ANKS1A: variants seen among roughly 807,000 people sequenced by gnomAD.
ANKS1A encodes ankyrin repeat and sterile alpha motif domain containing 1A, also known as ankyrin repeat and SAM domain-containing protein 1A.
A neutral mutation model predicts 120.3 loss-of-function variants in ANKS1A; 55 were observed. The observed-to-expected ratio is 0.46, with a 90% CI of 0.37 to 0.57. The LOEUF is 0.57. ANKS1A is among the 20% of genes least tolerant of loss of function. The pLI, the probability that ANKS1A is intolerant of heterozygous loss-of-function variation, is 0.00. For synonymous variants in ANKS1A, 590 were observed against 604.7 expected, an observed-to-expected ratio of 0.98 and a Z score of 0.36; for missense variants, 1,123 against 1,480.3, an observed-to-expected ratio of 0.76 and a Z score of 3.96.
At position 35,090,129 on chromosome 6, in the gene ANKS1A, C is replaced by T. The variant is rs1167388443; in HGVS notation, c.*1520C>T. The T allele has an allele frequency of 1.1e-5, 14 of 1,289,414 alleles. No homozygotes were observed. The highest frequency in any genetic ancestry group is 1.4e-5 in the Non-Finnish European group (14 of 988,858). The allele number at this position is 1,289,414 out of a possible 1,614,324, so 79.9% of individuals were successfully genotyped here. A position where few individuals can be genotyped will look rare whatever the true frequency, so the allele number is the denominator to read the frequency against. On this transcript the variant is annotated 3_prime_UTR_variant, in exon 24 of 24. Coordinates refer to ENST00000360359, the MANE Select transcript of ANKS1A (RefSeq NM_015245.3). ...ACCCAGCAGGTTGGGGCCTGGGACT[C>T]AGCTCTCTCTGCGGTAGAGGCAGGC...
chr6:34,989,317 G>A lies in ANKS1A; in HGVS notation c.1302+1G>A. 6.2e-7 allele frequency: 1 copy of A among 1,613,428 alleles called. No individual in the cohort carries two copies. On this transcript the variant is annotated splice_donor_variant, in intron 9 of 23. Transcript: ENST00000360359. LOFTEE classifies it high-confidence loss of function. Reference sequence around the variant, plus strand: ...GTATTTTCCCTTGACAGCTTCTGAGGTAGAGGGTTGTGGGTTTATTCCCCA... The same window carrying A: ...GTATTTTCCCTTGACAGCTTCTGAGATAGAGGGTTGTGGGTTTATTCCCCA...
intron 1 of ANKS1A, among the ~76,000 whole-genome samples, chr6:34,904,097 G>A (rs1012837829): frequency 1.3e-5 from 2 of 152,108 alleles, no homozygotes; most frequent in African/African-American, 2.4e-5. Context: ...AGGACCCCTC[G>A]AAGATACCAG....
At chr6:34,900,079 G>T (rs939532071) in intron 1 of ANKS1A, among the ~76,000 whole-genome samples, 17 of 152,194 alleles carry the variant, frequency 1.1e-4, no homozygotes, top group African/African-American at 3.9e-4. Context: ...TTACATACAT[G>T]TATTTGCTCA....
At chr6:34,939,248 AC>A (rs1769411655) in intron 1 of ANKS1A, among the ~76,000 whole-genome samples, 1 of 152,234 alleles carries the variant, frequency 6.6e-6, no homozygotes, top group Non-Finnish European at 1.5e-5. Flanking sequence ...CCTTTACCTC[AC>A]AGGTTGGAGC....
At position 35,086,882 on chromosome 6, in the gene ANKS1A, G is replaced by A. The variant is rs375044922; in HGVS notation, c.3304-70G>A. On this transcript the variant is annotated intron_variant, in intron 22 of 23. Transcript: ENST00000360359. The surrounding 1 kb of genome is among the most constrained non-coding windows in gnomAD (Gnocchi z 5.1). Reference sequence around the variant, plus strand: ...GGGGCCACAGCCTGGCCTGGGGGTGGGAGGGGCCTGCTGCCTCCAGCCCTG... The same window carrying A: ...GGGGCCACAGCCTGGCCTGGGGGTGAGAGGGGCCTGCTGCCTCCAGCCCTG... 6.1e-6 allele frequency: 9 copies of A among 1,466,748 alleles called. No individual in the cohort carries two copies. The highest frequency in any genetic ancestry group is 4.5e-5 in the East Asian group (2 of 44,186). The allele number at this position is 1,466,748 out of a possible 1,614,324, so 90.9% of individuals were successfully genotyped here.
At chr6:35,006,606 T>G (rs1249282216) in intron 10 of ANKS1A, among the ~76,000 whole-genome samples, 1 of 151,452 alleles carries the variant, frequency 6.6e-6, no homozygotes, top group African/African-American at 2.4e-5. Context: ...TACAAAAAAT[T>G]TAGCTGGGCA....
intron 9 of ANKS1A, among the ~76,000 whole-genome samples, chr6:34,991,249 C>A (rs1464603060): frequency 6.6e-6 from 1 of 152,118 alleles, no homozygotes; most frequent in Non-Finnish European, 1.5e-5. Flanking sequence ...ATGACCTGAT[C>A]ATGAAACTGG....
rs4276486 is a variant in ANKS1A at position 35,086,895 on chromosome 6, G to T, written c.3304-57G>T. ...GGCCTGGGGGTGGGAGGGGCCTGCT[G>T]CCTCCAGCCCTGGCACAGAGCTCCC... is the stretch of plus-strand genomic sequence containing the variant. On this transcript the variant is annotated intron_variant, in intron 22 of 23. Transcript: ENST00000360359. The surrounding 1 kb of genome is among the most constrained non-coding windows in gnomAD (Gnocchi z 5.1). 4.1e-5 allele frequency: 63 copies of T among 1,549,920 alleles called. No individual in the cohort carries two copies. Among genetic ancestry groups the T allele is most frequent in the Non-Finnish European group, 5.2e-5 (58 of 1,122,380 alleles).
chr6:34,922,914 A>G (rs1768514088), intron 1 of ANKS1A, among the ~76,000 whole-genome samples: 1 of 151,962 alleles, frequency 6.6e-6, no homozygotes, highest in Non-Finnish European at 1.5e-5. Flanking sequence ...GATGGTCTTG[A>G]TCTCCTGACA....
rs562958379 is a variant in ANKS1A at position 35,082,461 on chromosome 6, A to C, written c.2710-230A>C. On this transcript the variant is annotated intron_variant, in intron 17 of 23. Coordinates refer to ENST00000360359, the MANE Select transcript of ANKS1A (RefSeq NM_015245.3). The surrounding 1 kb of genome is among the most constrained non-coding windows in gnomAD (Gnocchi z 4.1). The stretch of plus-strand genomic sequence containing the variant: ...GGACACCACAGAGACTGTCCTTCCC[A>C]AGCCCTGCTCTCAGGCGGTTTGGGT... Among the ~76,000 whole-genome samples, 6 of 151,392 alleles carry C rather than the reference A, an allele frequency of 4.0e-5. No individual in the cohort carries two copies. Among genetic ancestry groups the C allele is most frequent in the Admixed American group, 2.0e-4 (3 of 15,234 alleles).
At chr6:34,937,465 T>C (rs1769314786) in intron 1 of ANKS1A, among the ~76,000 whole-genome samples, 1 of 152,086 alleles carries the variant, frequency 6.6e-6, no homozygotes, top group South Asian at 2.1e-4. Context: ...CACAGGGTAA[T>C]TGTGAGGCTT....
At position 35,090,508 on chromosome 6, in the gene ANKS1A, T is replaced by TATC. The variant is rs1320549500; in HGVS notation, c.*1903_*1905dup. The TATC allele has an allele frequency of 9.4e-7, 1 of 1,066,310 alleles. No individual in the cohort carries two copies. The highest frequency in any genetic ancestry group is 1.7e-5 in the African/African-American group (1 of 59,614). The allele number at this position is 1,066,310 out of a possible 1,614,324, so 66.1% of individuals were successfully genotyped here. The stretch of plus-strand genomic sequence containing the variant: ...GTGTTTCTTCTGCTTGAAGCTGCTA[T>TATC]ATCATCTTTATTTATTCAGGGTATT... On this transcript the variant is annotated 3_prime_UTR_variant, in exon 24 of 24. Transcript: ENST00000360359.
chr6:34,916,242 C>G (rs915704331), intron 1 of ANKS1A, among the ~76,000 whole-genome samples: 1 of 152,022 alleles, frequency 6.6e-6, no homozygotes, highest in Non-Finnish European at 1.5e-5. Context: ...ATCCATCTGC[C>G]TCGGCCTCCT....
chr6:34,969,608 A>T (rs554021041), intron 2 of ANKS1A, among the ~76,000 whole-genome samples: 1 of 152,240 alleles, frequency 6.6e-6, no homozygotes, highest in African/African-American at 2.4e-5. Flanking sequence ...TACATCACTA[A>T]ATGCTCTGAA....
intron 12 of ANKS1A, among the ~76,000 whole-genome samples, chr6:35,056,185 C>T (rs1026474992): frequency 6.6e-6 from 1 of 152,232 alleles, no homozygotes; most frequent in African/African-American, 2.4e-5. Flanking sequence ...GGCAGCACCT[C>T]GGGAAGAGCC....
At chr6:35,053,404 A>G (rs1381564901) in intron 11 of ANKS1A, among the ~76,000 whole-genome samples, 1 of 152,180 alleles carries the variant, frequency 6.6e-6, no homozygotes, top group Non-Finnish European at 1.5e-5. Flanking sequence ...ATGCTTTGAA[A>G]CTAGCTTTCT....
chr6:34,977,812 C>G (rs190169052), intron 3 of ANKS1A, among the ~76,000 whole-genome samples: 1 of 152,170 alleles, frequency 6.6e-6, no homozygotes, highest in African/African-American at 2.4e-5. Context: ...CCTGTACTTT[C>G]ATTGCTGCAG....
At position 35,060,073 on chromosome 6, in the gene ANKS1A, T is replaced by C; in HGVS notation, c.2078-74T>C. 1.6e-6 allele frequency: 2 copies of C among 1,240,188 alleles called. No homozygotes were observed. Among genetic ancestry groups the C allele is most frequent in the South Asian group, 1.3e-5 (1 of 77,888 alleles). The allele number at this position is 1,240,188 out of a possible 1,614,324, so 76.8% of individuals were successfully genotyped here. A position where few individuals can be genotyped will look rare whatever the true frequency, so the allele number is the denominator to read the frequency against. On this transcript the variant is annotated intron_variant, in intron 12 of 23. Coordinates refer to ENST00000360359, the MANE Select transcript of ANKS1A (RefSeq NM_015245.3). The surrounding 1 kb of genome is among the most constrained non-coding windows in gnomAD (Gnocchi z 4.5). ...CTATGATGTGGCAATGCCATCTATC[T>C]TCCTCTGAGTGCCGCTGCTACCGCC...
chr6:34,903,587 T>A (rs1767478813), intron 1 of ANKS1A, among the ~76,000 whole-genome samples: 1 of 151,986 alleles, frequency 6.6e-6, no homozygotes, highest in African/African-American at 2.4e-5. Flanking sequence ...GGCCTCCACC[T>A]CCCGGGTTCA....
Sources: gnomAD v4.1 joint callset for allele counts (sites outside exome capture counted in the v4.1 genomes callset) on GRCh38, gnomAD v4.1.1 for gene constraint, Gnocchi (gnomAD v3.1) non-coding constraint, MANE v1.5 for transcripts, NCBI Gene and HGNC (gene_info 2026-07-23, HGNC 2026-07-21) for gene names.